ATP10A: variants seen among roughly 807,000 people sequenced by gnomAD.
The protein encoded by ATP10A is phospholipid-transporting ATPase VA.
ATP10A carries 111 observed loss-of-function variants against 147.8 expected under a neutral mutation model. The ratio of observed to expected loss-of-function variants is 0.75; its 90% confidence interval spans 0.64 to 0.88. The LOEUF (loss-of-function observed/expected upper bound fraction) is 0.88, where lower values mean the gene tolerates loss of function less well. ATP10A is among the 40% of genes least tolerant of loss of function. The probability of loss-of-function intolerance (pLI) is 0.00; values close to 1 mark genes in which losing one functional copy is unlikely to be tolerated. For missense variants in ATP10A, 1,927 were observed against 1,959.0 expected (o/e 0.98, Z 0.31); for synonymous variants, 875 against 841.6 (o/e 1.04, Z -0.69).
chr15:25,737,797 C>T (rs956679905), intron 2 of ATP10A, among the ~76,000 whole-genome samples: 2 of 152,032 alleles, frequency 1.3e-5, no homozygotes, highest in Admixed American at 1.3e-4. Context: ...CAGGGTGGAC[C>T]CTAATCCCAC....
intron 2 of ATP10A, among the ~76,000 whole-genome samples, chr15:25,778,166 A>G (rs1240664017): frequency 1.3e-5 from 2 of 152,064 alleles, no homozygotes; most frequent in Admixed American, 1.3e-4. Context: ...AATCACTTCT[A>G]ATTTAAGTGA....
intron 10 of ATP10A, among the ~76,000 whole-genome samples, chr15:25,712,555 T>A (rs983782806): frequency 3.9e-5 from 6 of 152,202 alleles, no homozygotes; most frequent in African/African-American, 1.4e-4. Context: ...TGCTGTAGAA[T>A]GAAATCACTC....
At chr15:25,811,128 G>A (rs547280270) in intron 1 of ATP10A, among the ~76,000 whole-genome samples, 1 of 152,314 alleles carries the variant, frequency 6.6e-6, no homozygotes, top group East Asian at 1.9e-4. Context: ...TAGCAAAACA[G>A]GTCCTGGACG....
At chr15:25,781,626 G>C (rs1889928483) in intron 1 of ATP10A, among the ~76,000 whole-genome samples, 1 of 151,894 alleles carries the variant, frequency 6.6e-6, no homozygotes, top group South Asian at 2.1e-4. Context: ...CTGCACTCCA[G>C]CCTGGGCTAT....
intron 1 of ATP10A, among the ~76,000 whole-genome samples, chr15:25,805,568 A>C: frequency 6.6e-6 from 1 of 152,228 alleles, no homozygotes; most frequent in Admixed American, 6.5e-5. Context: ...TAAAAGTCAC[A>C]GTCTTCAGCC....
chr15:25,807,895 G>GT (rs1257466653), intron 1 of ATP10A, among the ~76,000 whole-genome samples: 1 of 151,886 alleles, frequency 6.6e-6, no homozygotes, highest in Non-Finnish European at 1.5e-5. Flanking sequence ...TTCTGCAGCT[G>GT]TTTTGTAGTG....
intron 2 of ATP10A, among the ~76,000 whole-genome samples, chr15:25,768,799 G>A (rs1353349262): frequency 6.6e-6 from 1 of 150,650 alleles, no homozygotes; most frequent in Non-Finnish European, 1.5e-5. Flanking sequence ...AAAGTGCTGG[G>A]ATTCCAGGTG....
At chr15:25,725,288 T>C (rs1902475765) in intron 5 of ATP10A, among the ~76,000 whole-genome samples, 1 of 152,176 alleles carries the variant, frequency 6.6e-6, no homozygotes. Context: ...AAAAATGTCT[T>C]CATAAAACCA....
At chr15:25,766,435 G>A (rs1889026230) in intron 2 of ATP10A, among the ~76,000 whole-genome samples, 1 of 152,110 alleles carries the variant, frequency 6.6e-6, no homozygotes, top group Non-Finnish European at 1.5e-5. Flanking sequence ...TCACTGTGCT[G>A]TGGTCAGGCC....
chr15:25,695,521 C>T (rs1490322634), intron 13 of ATP10A, among the ~76,000 whole-genome samples: 5 of 151,940 alleles, frequency 3.3e-5, no homozygotes, highest in East Asian at 1.9e-4. Flanking sequence ...CCCAGCTACT[C>T]GGGAGGCTGA....
chr15:25,714,755 G>T (rs987881811), intron 9 of ATP10A, among the ~76,000 whole-genome samples: 1 of 152,028 alleles, frequency 6.6e-6, no homozygotes, highest in Non-Finnish European at 1.5e-5. Flanking sequence ...GCACAAAACT[G>T]GGCATTTTTT....
chr15:25,786,792 G>GCT (rs1555469794), intron 1 of ATP10A, among the ~76,000 whole-genome samples: 19,972 of 135,156 alleles, frequency 0.15, 1,591 homozygotes, highest in Middle Eastern at 0.22. Flanking sequence ...TGCCCAGCTA[G>GCT]TTTTTTTTTT....
At chr15:25,859,013 G>A (rs1362543240) in intron 1 of ATP10A, among the ~76,000 whole-genome samples, 1 of 152,170 alleles carries the variant, frequency 6.6e-6, no homozygotes. Flanking sequence ...AGGGCTCCAG[G>A]TCTGCTGATT....
chr15:25,813,212 G>C (rs922986197), intron 1 of ATP10A, among the ~76,000 whole-genome samples: 9 of 152,184 alleles, frequency 5.9e-5, no homozygotes, highest in African/African-American at 2.2e-4. Context: ...TTTATCTGGA[G>C]CTCACCAAGA....
intron 8 of ATP10A, among the ~76,000 whole-genome samples, 197 bp downstream of exon 8, chr15:25,717,985 A>C (rs1161112557): frequency 6.6e-6 from 1 of 152,174 alleles, no homozygotes; most frequent in African/African-American, 2.4e-5. Context: ...AAGCCATGCA[A>C]AGGGGCCATG....
intron 2 of ATP10A, among the ~76,000 whole-genome samples, chr15:25,779,460 C>T (rs185192349): frequency 1.3e-5 from 2 of 152,228 alleles, no homozygotes; most frequent in East Asian, 3.9e-4. Context: ...CTGTCCCTGG[C>T]TGATGTCAGT....
chr15:25,735,003 CGGGGGGGGGGTG>C lies in ATP10A; in HGVS notation c.740+1041_740+1052del, dbSNP rs35794778. 1.6e-3 allele frequency among the ~76,000 whole-genome samples: 210 copies of C among 132,078 alleles called. 4 individuals carry two copies. The highest frequency in any genetic ancestry group is 5.6e-3 in the African/African-American group (193 of 34,272). 86.6% of individuals were successfully genotyped at this position (132,078 alleles called of 152,430 possible). A position where few individuals can be genotyped will look rare whatever the true frequency, so the allele number is the denominator to read the frequency against. On this transcript the variant is annotated intron_variant, in intron 3 of 20. Transcript: ENST00000555815. Reference sequence around the variant, plus strand: ...CCTCCGTATGTCTGCGTGGTGGGAGCGGGGGGGGGGTGGGGGGGTGGGGGAAGTGGGTGGGGC... The same window carrying C: ...CCTCCGTATGTCTGCGTGGTGGGAGCGGGGGGTGGGGGAAGTGGGTGGGGC...
intron 2 of ATP10A, among the ~76,000 whole-genome samples, chr15:25,778,516 G>C (rs1889738834): frequency 6.7e-6 from 1 of 149,714 alleles, no homozygotes; most frequent in Non-Finnish European, 1.5e-5. Context: ...AACCCAGAAA[G>C]TCGGGGGAAA....
At chr15:25,719,319 G>C (rs1394048495) in intron 7 of ATP10A, among the ~76,000 whole-genome samples, 2 of 152,130 alleles carry the variant, frequency 1.3e-5, no homozygotes, top group Non-Finnish European at 2.9e-5. Context: ...TGAGAAAAAT[G>C]GGGATAAAAA....
Sources: gnomAD v4.1 joint callset for allele counts (sites outside exome capture counted in the v4.1 genomes callset) on GRCh38, gnomAD v4.1.1 for gene constraint, MANE v1.5 for transcripts, NCBI Gene and HGNC (gene_info 2026-07-23, HGNC 2026-07-21) for gene names.